Variants in PPP6R1 observed in about 807,000 individuals in gnomAD.
PPP6R1 encodes the protein protein phosphatase 6 regulatory subunit 1, also known as serine/threonine-protein phosphatase 6 regulatory subunit 1.
A neutral mutation model predicts 104.6 loss-of-function variants in PPP6R1; 39 were observed. The ratio of observed to expected loss-of-function variants is 0.37; its 90% CI spans 0.29 to 0.49. PPP6R1 has a LOEUF of 0.49. PPP6R1 is among the 20% of genes least tolerant of loss of function. The pLI is 0.98. For missense variants in PPP6R1, 1,181 were observed against 1,155.8 expected (o/e 1.02, Z -0.32); for synonymous variants, 549 against 479.0 (o/e 1.15, Z -1.91).
In PPP6R1 at chr19:55,241,318, A is replaced by G; in HGVS notation, c.1082T>C (p.Leu361Pro). Residue 361 changes from leucine to proline, a missense_variant, in exon 9 of 24, where the codon CTC becomes CCC. This residue lies in a region of PPP6R1 where 1,042 missense variants were observed against 955.6 expected (regional missense o/e 1.09). Coordinates refer to ENST00000412770, the MANE Select transcript of PPP6R1 (RefSeq NM_014931.4). The surrounding 1 kb of genome is among the most constrained non-coding windows in gnomAD (Gnocchi z 5.4). ...ATTGGCGCTCAGGGCACTGGCCAGG[A>G]GCTTGACCACGTGCAGCCGCGTGTT... ...LGNTRLHVVK[L>P]LASALSANDA... 6.2e-7 allele frequency: 1 copy of G among 1,611,814 alleles called. No homozygotes were observed. Among genetic ancestry groups the G allele is most frequent in the East Asian group, 2.2e-5 (1 of 44,868 alleles).
intron 17 of PPP6R1, among the ~76,000 whole-genome samples, chr19:55,234,759 G>A (rs2087380913): frequency 6.6e-6 from 1 of 152,200 alleles, no homozygotes. Flanking sequence ...CTGCCCCACT[G>A]CACGAGAGCC....
chr19:55,241,364 T>C lies in PPP6R1; in HGVS notation c.1036A>G (p.Met346Val), dbSNP rs2087455694. Residue 346 changes from methionine to valine, a missense_variant, in exon 9 of 24, where the codon ATG becomes GTG. This residue lies in a region of PPP6R1 where 1,042 missense variants were observed against 955.6 expected (regional missense o/e 1.09). Coordinates refer to ENST00000412770, the MANE Select transcript of PPP6R1 (RefSeq NM_014931.4). The surrounding 1 kb of genome is among the most constrained non-coding windows in gnomAD (Gnocchi z 5.4). ...GTGTTGCCCAGAGGCGGAGCCAGCA[T>C]GCCCCATGTCATCTGTAGCGGCTCC... ...KLEPLQMTWG[M>V]LAPPLGNTRL... The C allele has an allele frequency of 1.2e-6, 2 of 1,611,392 alleles. No homozygotes were observed. The highest frequency in any genetic ancestry group is 3.3e-4 in the Middle Eastern group (2 of 6,056).
In PPP6R1 at chr19:55,230,240, CCTCT is replaced by C; in HGVS notation, c.*284_*287del. 1 of 461,250 alleles carries C rather than the reference CCTCT, an allele frequency of 2.2e-6. No homozygotes were observed. Among genetic ancestry groups the C allele is most frequent in the East Asian group, 3.6e-5 (1 of 27,974 alleles). 28.6% of individuals were successfully genotyped at this position (461,250 alleles called of 1,614,324 possible). ...GTCCTCACTCTCTCTCGCTCTCCTC[CCTCT>C]CTCTATATAATATATAATATATGTT... On this transcript the variant is annotated 3_prime_UTR_variant, in exon 24 of 24. Transcript: ENST00000412770.
intron 1 of PPP6R1, among the ~76,000 whole-genome samples, chr19:55,249,509 G>C (rs1288727378): frequency 6.6e-6 from 1 of 151,950 alleles, no homozygotes; most frequent in East Asian, 2.0e-4. Context: ...TCAAAGTGTT[G>C]GGATTACAGG....
chr19:55,231,107 G>C (rs1170461441), intron 21 of PPP6R1, among the ~76,000 whole-genome samples: 1 of 152,158 alleles, frequency 6.6e-6, no homozygotes, highest in Non-Finnish European at 1.5e-5. Flanking sequence ...CTGTGGAGGA[G>C]GTACTCGAGG....
chr19:55,241,757 C>T lies in PPP6R1; in HGVS notation c.846-118G>A, dbSNP rs1433826961. ...AGGAAAACGAGGAGCCACATGCCCC[C>T]AGCGCCGCTCTCTTCTGAGGCCCTT... On this transcript the variant is annotated intron_variant, in intron 7 of 23. Coordinates refer to ENST00000412770, the MANE Select transcript of PPP6R1 (RefSeq NM_014931.4). This position sits in a 1 kb window ranked among gnomAD's most constrained non-coding sequence, Gnocchi z 5.4. 3 of 1,248,136 alleles carry T rather than the reference C, an allele frequency of 2.4e-6. No homozygotes were observed. The highest frequency in any genetic ancestry group is 1.5e-5 in the African/African-American group (1 of 65,366). 77.3% of individuals were successfully genotyped at this position (1,248,136 alleles called of 1,614,324 possible).
Position 55,231,542 on chromosome 19 carries a change from G to A in PPP6R1, c.2378-51C>T, listed in dbSNP as rs116207837. 8.7e-4 allele frequency: 1,392 copies of A among 1,598,142 alleles called. 18 individuals are homozygous for A. The African/African-American group carries it at 0.016, about 18-fold the overall frequency. ...GCAGCTCCCAGCAAGCTCGGAGCTGGCCAGGCTGCTCTCTCTGCCCAGGGC... is the reference window on the plus strand; with the variant it reads ...GCAGCTCCCAGCAAGCTCGGAGCTGACCAGGCTGCTCTCTCTGCCCAGGGC... On this transcript the variant is annotated intron_variant, in intron 20 of 23. Transcript: ENST00000412770.
chr19:55,257,929 C>T (rs1014715972), intron 1 of PPP6R1, among the ~76,000 whole-genome samples: 3 of 152,248 alleles, frequency 2.0e-5, no homozygotes, highest in East Asian at 3.8e-4. Flanking sequence ...CACAAGAAGC[C>T]GGAGGCGGGA....
chr19:55,228,795 G>A (rs1372312449), downstream of PPP6R1: 3 of 1,579,330 alleles, frequency 1.9e-6, no homozygotes, highest in Non-Finnish European at 2.6e-6. Flanking sequence ...GCTTCAGGGG[G>A]TGGAGGGGAG....
chr19:55,231,275 C>G (rs1406733186), intron 21 of PPP6R1, 135 bp downstream of exon 21: 1 of 1,097,254 alleles, frequency 9.1e-7, no homozygotes, highest in African/African-American at 1.6e-5. Flanking sequence ...GGCTGGGGCA[C>G]AACATGAGGC....
Position 55,258,569 on chromosome 19 carries a change from G to T in PPP6R1, c.-141C>A. The T allele has an allele frequency of 6.7e-6, 1 of 149,454 alleles. No individual in the cohort carries two copies. The highest frequency in any genetic ancestry group is 2.0e-4 in the East Asian group (1 of 5,114). 9.3% of individuals were successfully genotyped at this position (149,454 alleles called of 1,614,324 possible). On this transcript the variant is annotated 5_prime_UTR_variant, in exon 1 of 24. Transcript: ENST00000412770. ...GGGGCGGCGTCGGGGACTCGCGCAG[G>T]CGCCGGGGCTCGCGGGGTCCGCGCA... is the stretch of plus-strand genomic sequence containing the variant.
At chr19:55,256,294 G>A (rs1014963972) in intron 1 of PPP6R1, among the ~76,000 whole-genome samples, 16 of 152,344 alleles carry the variant, frequency 1.1e-4, no homozygotes, top group African/African-American at 2.6e-4. Context: ...CCTCTGCGCT[G>A]CTAACATTTG....
intron 17 of PPP6R1, among the ~76,000 whole-genome samples, chr19:55,233,456 C>T (rs1306036567): frequency 6.6e-6 from 1 of 152,018 alleles, no homozygotes; most frequent in African/African-American, 2.4e-5. Flanking sequence ...GCCAGGGCAA[C>T]CAGGCAAGAA....
chr19:55,233,182 G>A (rs2122531637), intron 17 of PPP6R1: 1 of 152,316 alleles, frequency 6.6e-6, no homozygotes, highest in South Asian at 2.1e-4. Flanking sequence ...TGTCTAAAAT[G>A]CTGACCCAAT....
chr19:55,244,173 A>C (rs2087485203), intron 5 of PPP6R1, among the ~76,000 whole-genome samples: 1 of 152,228 alleles, frequency 6.6e-6, no homozygotes, highest in Non-Finnish European at 1.5e-5. Context: ...CAGGGTCCTC[A>C]CAGGGACAGG....
intron 19 of PPP6R1, 55 bp downstream of exon 19, chr19:55,231,747 C>T (rs1600102921): frequency 1.3e-6 from 2 of 1,496,766 alleles, no homozygotes; most frequent in Non-Finnish European, 1.8e-6. Context: ...ACCCCATGGC[C>T]ACCTCCTGGC....
At chr19:55,239,364 G>C in intron 15 of PPP6R1, 41 bp downstream of exon 15, 1 of 1,569,450 alleles carries the variant, frequency 6.4e-7, no homozygotes, top group Non-Finnish European at 8.8e-7. Context: ...TGCTGCTGCA[G>C]AGGCAGGACA....
Position 55,241,702 on chromosome 19 carries a change from A to G in PPP6R1, c.846-63T>C. On this transcript the variant is annotated intron_variant, in intron 7 of 23. Transcript: ENST00000412770. This position sits in a 1 kb window ranked among gnomAD's most constrained non-coding sequence, Gnocchi z 5.4. ...ATGGCCTGTGCGCCCACACAGGAGT[A>G]GGCACAAGGACCACGTCTGCAGGGT... 1 of 1,473,908 alleles carries G rather than the reference A, an allele frequency of 6.8e-7. No individual in the cohort carries two copies. The highest frequency in any genetic ancestry group is 2.5e-5 in the East Asian group (1 of 40,324). The allele number at this position is 1,473,908 out of a possible 1,614,324, so 91.3% of individuals were successfully genotyped here. A position where few individuals can be genotyped will look rare whatever the true frequency, so the allele number is the denominator to read the frequency against.
At chr19:55,232,327 C>T in intron 17 of PPP6R1, 116 bp from the exon 18 acceptor site, 1 of 1,429,684 alleles carries the variant, frequency 7.0e-7, no homozygotes, top group East Asian at 2.5e-5. Flanking sequence ...ACAGGCAGGT[C>T]ACAGAAGGGT....
Sources: gnomAD v4.1 joint callset for allele counts (sites outside exome capture counted in the v4.1 genomes callset) on GRCh38, gnomAD v4.1.1 for gene constraint, gnomAD v4.1.1 regional missense constraint, Gnocchi (gnomAD v3.1) non-coding constraint, MANE v1.5 for transcripts, NCBI Gene and HGNC (gene_info 2026-07-23, HGNC 2026-07-21) for gene names.